Variants in KLHL5 observed in about 807,000 individuals in gnomAD.
The protein encoded by KLHL5 is kelch-like protein 5.
KLHL5 carries 48 observed loss-of-function variants against 77.7 expected under a neutral mutation model. That is an observed-to-expected ratio of 0.62 (90% CI 0.49 to 0.79). KLHL5 has a LOEUF of 0.79. Ranked by LOEUF, KLHL5 falls within the 30% of genes least tolerant of loss-of-function variation. The pLI, the probability that KLHL5 is intolerant of heterozygous loss-of-function variation, is 0.00. For synonymous variants in KLHL5, 260 were observed against 297.0 expected, an observed-to-expected ratio of 0.88 and a Z score of 1.28; for missense variants, 723 against 859.7, an observed-to-expected ratio of 0.84 and a Z score of 1.99.
intron 2 of KLHL5, among the ~76,000 whole-genome samples, chr4:39,079,889 A>G (rs1268656452): frequency 6.6e-6 from 1 of 152,228 alleles, no homozygotes; most frequent in Admixed American, 6.5e-5. Context: ...GCCAATAAAC[A>G]TTTGAAAAAC....
Position 39,056,135 on chromosome 4 carries a change from T to C in KLHL5, c.-94-6424T>C, listed in dbSNP as rs558160450. On this transcript the variant is annotated intron_variant, in intron 1 of 11. Coordinates refer to the KLHL5 transcript ENST00000261425. ...ACTGAATTTAAATTGTGTGTGTGTA[T>C]GTGTATTGTGTCAATCTTGCCCTGT... 2.3e-4 allele frequency among the ~76,000 whole-genome samples: 35 copies of C among 152,348 alleles called. 1 individual carries two copies. The South Asian group carries it at 7.0e-3, about 31-fold the overall frequency.
At position 39,123,409 on chromosome 4, in the gene KLHL5, A is replaced by G. The variant is rs1311550497; in HGVS notation, c.*2343A>G. ...CACCAAAGCCAGACAAAGACCTCAC[A>G]GGGAAGCTACAGACCAATATCCCTT... On this transcript the variant is annotated 3_prime_UTR_variant, in exon 11 of 11. Coordinates refer to ENST00000504108, the MANE Select transcript of KLHL5 (RefSeq NM_015990.5). Among the ~76,000 whole-genome samples, 1 of 152,226 alleles carries G rather than the reference A, an allele frequency of 6.6e-6. No individual in the cohort carries two copies. Among genetic ancestry groups the G allele is most frequent in the Non-Finnish European group, 1.5e-5 (1 of 68,038 alleles).
At position 39,075,995 on chromosome 4, in the gene KLHL5, C is replaced by T; in HGVS notation, c.414C>T (p.Ser138=). The T allele has an allele frequency of 6.2e-7, 1 of 1,611,040 alleles. No homozygotes were observed. Among genetic ancestry groups the T allele is most frequent in the Non-Finnish European group, 8.5e-7 (1 of 1,179,010 alleles). ...CCAATAGTAGTCAGACATTATCATC[C>T]TGTCATACTATGGAGCCATGTACAT... The part of the protein sequence containing the change: ...RTSNSSQTLS[S]CHTMEPCTSD... Residue 138 remains serine (S), a synonymous_variant, in exon 2 of 11, where the codon TCC becomes TCT. Transcript: ENST00000504108.
At chr4:39,066,305 C>T (rs1717891627) in intron 1 of KLHL5, among the ~76,000 whole-genome samples, 2 of 151,924 alleles carry the variant, frequency 1.3e-5, no homozygotes. Context: ...ATATGGCGGC[C>T]CACCATGTAA....
At chr4:39,052,756 G>A (rs569390156) in intron 1 of KLHL5, among the ~76,000 whole-genome samples, 3 of 152,204 alleles carry the variant, frequency 2.0e-5, no homozygotes, top group Non-Finnish European at 2.9e-5. Context: ...ACTCAAGTCC[G>A]TGCTCCGCAG....
downstream of KLHL5, among the ~76,000 whole-genome samples, chr4:39,126,444 A>G (rs1236533104): frequency 6.6e-6 from 1 of 152,036 alleles, no homozygotes; most frequent in Admixed American, 6.6e-5. Context: ...CTGGGGCTGA[A>G]CAACTTGCAA....
At chr4:39,061,757 C>T (rs2566128), upstream of KLHL5, among the ~76,000 whole-genome samples, 110,248 of 152,160 alleles carry the variant, frequency 0.72, 40,129 homozygotes, top group East Asian at 0.82. Context: ...TTGGATGTTA[C>T]ACTAACTGGC....
chr4:39,139,251 C>T, the KLHL5 span, among the ~76,000 whole-genome samples: 1 of 147,916 alleles, frequency 6.8e-6, no homozygotes, highest in Middle Eastern at 3.3e-3. Flanking sequence ...CACTGCACTC[C>T]AGCCTGGGCA....
chr4:39,045,919 T>C (rs1177372836), intron 1 of KLHL5, among the ~76,000 whole-genome samples: 2 of 150,788 alleles, frequency 1.3e-5, no homozygotes, highest in Middle Eastern at 3.4e-3. Flanking sequence ...AATGAGCTGC[T>C]GTTATGTGCC....
chr4:39,107,038 ACTTTTTTTTTT>A (rs1455353743), intron 7 of KLHL5, among the ~76,000 whole-genome samples: 1 of 134,756 alleles, frequency 7.4e-6, no homozygotes, highest in Non-Finnish European at 1.6e-5. Context: ...AGCCTCTAGA[ACTTTTTTTTTT>A]CTTTTTTTTT....
intron 5 of KLHL5, among the ~76,000 whole-genome samples, chr4:39,088,123 A>G (rs1720213384): frequency 6.6e-6 from 1 of 152,254 alleles, no homozygotes; most frequent in African/African-American, 2.4e-5. Flanking sequence ...ATGAAATCAA[A>G]CCGAATTTGA....
Position 39,062,359 on chromosome 4 carries a change from A to T in KLHL5, c.-294A>T. The T allele has an allele frequency of 7.0e-7, 1 of 1,435,952 alleles. No individual in the cohort carries two copies. The highest frequency in any genetic ancestry group is 2.6e-4 in the Middle Eastern group (1 of 3,878). 89.0% of individuals were successfully genotyped at this position (1,435,952 alleles called of 1,614,324 possible). Reference sequence around the variant, plus strand: ...TGTGAGACCTAATGGTCAGTATGGGAAAGGAGAGCCGGGAAAGTGGTCTAG... The same window carrying T: ...TGTGAGACCTAATGGTCAGTATGGGTAAGGAGAGCCGGGAAAGTGGTCTAG... On this transcript the variant is annotated 5_prime_UTR_variant, in exon 1 of 11. The change creates a premature stop within an existing upstream ORF in the 5' untranslated region. Coordinates refer to ENST00000504108, the MANE Select transcript of KLHL5 (RefSeq NM_015990.5).
At chr4:39,138,647 A>G in the KLHL5 span, among the ~76,000 whole-genome samples, 1 of 152,212 alleles carries the variant, frequency 6.6e-6, no homozygotes, top group South Asian at 2.1e-4. Flanking sequence ...AAAATAGCTA[A>G]TGGGTACTAG....
chr4:39,111,602 A>G (rs184121836), intron 8 of KLHL5, among the ~76,000 whole-genome samples: 63 of 152,234 alleles, frequency 4.1e-4, no homozygotes, highest in African/African-American at 1.4e-3. Flanking sequence ...TGTGATCCAT[A>G]CTTAGATAAC....
At position 39,045,409 on chromosome 4, in the gene KLHL5, G is replaced by A. The variant is rs544204714; in HGVS notation, c.-95+313G>A. ...GTGGACGCGGTGCTGGTGGCCGGCAGTGAGGAGCGGACTGCGGTGCACCCG... is the reference window on the plus strand; with the variant it reads ...GTGGACGCGGTGCTGGTGGCCGGCAATGAGGAGCGGACTGCGGTGCACCCG... On this transcript the variant is annotated intron_variant, in intron 1 of 11. Coordinates refer to the KLHL5 transcript ENST00000261425. 2.4e-3 allele frequency among the ~76,000 whole-genome samples: 362 copies of A among 152,076 alleles called. 1 individual carries two copies. Among genetic ancestry groups the A allele is most frequent in the Non-Finnish European group, 3.9e-3 (264 of 67,944 alleles).
At chr4:39,059,122 C>G (rs768690760), upstream of KLHL5, among the ~76,000 whole-genome samples, 1 of 151,460 alleles carries the variant, frequency 6.6e-6, no homozygotes, top group Non-Finnish European at 1.5e-5. Flanking sequence ...AATTTTGGGG[C>G]AAAACAATTT....
chr4:39,063,434 A>T (rs1717609329), intron 1 of KLHL5: 2 of 271,668 alleles, frequency 7.4e-6, no homozygotes, highest in Non-Finnish European at 1.5e-5. Context: ...AACAGATGAT[A>T]GAGTCATTTT....
intron 1 of KLHL5, among the ~76,000 whole-genome samples, chr4:39,069,465 TATATATATACAC>T (rs1322694565): frequency 3.7e-4 from 22 of 59,596 alleles, no homozygotes; most frequent in East Asian, 8.5e-4. Context: ...TATATATATA[TATATATATACAC>T]ACACACACAC....
rs543821468 is a variant in KLHL5, at chr4:39,096,089, T to A, written c.1114-603T>A. 6.2e-4 allele frequency among the ~76,000 whole-genome samples: 95 copies of A among 152,132 alleles called. 1 individual carries two copies. Among genetic ancestry groups the A allele is most frequent in the African/African-American group, 2.2e-3 (91 of 41,560 alleles). The stretch of plus-strand genomic sequence containing the variant: ...AATGTGATCATATTTTCATTTTATT[T>A]TTTAAAAGACAAGGTGTAATCATAT... On this transcript the variant is annotated intron_variant, in intron 5 of 10. Transcript: ENST00000504108.
Sources: allele counts gnomAD v4.1 joint callset (sites outside exome capture counted in the v4.1 genomes callset), GRCh38; gene constraint gnomAD v4.1.1; transcripts MANE v1.5; gene names NCBI Gene and HGNC (gene_info 2026-07-23, HGNC 2026-07-21).